Variants in ZFHX2 observed in about 807,000 individuals in gnomAD.
The protein encoded by ZFHX2 is zinc finger homeobox 2, also known as zinc finger homeobox protein 2.
A neutral mutation model predicts 164.8 loss-of-function variants in ZFHX2; 75 were observed. That is an observed-to-expected ratio of 0.46 (90% CI 0.38 to 0.55). ZFHX2 has a LOEUF of 0.55. Among genes scored for constraint, ZFHX2 ranks in the 20% least tolerant of loss-of-function variants. ZFHX2 has a pLI of 0.00. For missense variants in ZFHX2, 2,933 were observed against 3,308.0 expected (o/e 0.89, Z 2.78); for synonymous variants, 1,217 against 1,351.4 (o/e 0.90, Z 2.18).
chr14:23,529,912 C>G (rs960797502), intron 5 of ZFHX2, 144 bp from the exon 6 acceptor site: 1 of 992,134 alleles, frequency 1.0e-6, no homozygotes, highest in African/African-American at 1.6e-5. Flanking sequence ...GGGCTGACTC[C>G]GGGTCAGTAG....
At position 23,535,408 on chromosome 14, in the gene ZFHX2, G is replaced by A. The variant is rs914585710; in HGVS notation, c.-49-34C>T. Reference sequence around the variant, plus strand: ...AGACAAGGAGAGAGCAGTGCTGTGAGGCTGCAGGGACCCCAGCTGGGCAGC... The same window carrying A: ...AGACAAGGAGAGAGCAGTGCTGTGAAGCTGCAGGGACCCCAGCTGGGCAGC... On this transcript the variant is annotated intron_variant, in intron 1 of 9. Coordinates refer to ENST00000419474, the MANE Select transcript of ZFHX2 (RefSeq NM_033400.3). The surrounding 1 kb of genome is among the most constrained non-coding windows in gnomAD (Gnocchi z 4.5). 5.4e-5 allele frequency: 76 copies of A among 1,401,592 alleles called. No individual in the cohort carries two copies. The highest frequency in any genetic ancestry group is 4.3e-4 in the Middle Eastern group (2 of 4,684). 86.8% of individuals were successfully genotyped at this position (1,401,592 alleles called of 1,614,324 possible). A position where few individuals can be genotyped will look rare whatever the true frequency, so the allele number is the denominator to read the frequency against.
chr14:23,524,361 G>A lies in ZFHX2; in HGVS notation c.5581C>T (p.Arg1861Cys), dbSNP rs773677603. 9 of 1,536,246 alleles carry A rather than the reference G, an allele frequency of 5.9e-6. No homozygotes were observed. The highest frequency in any genetic ancestry group is 3.6e-5 in the South Asian group (3 of 84,068). ...AGCTGCTCAGGCAAGATGGTGGTGC[G>A]CAGGCGCTTGTCCCTGGGGGGCTCG... ...EGEPPRDKRL[R>C]TTILPEQLEI... Residue 1861 changes from arginine (R) to cysteine (C), a missense_variant, in exon 9 of 10, where the codon CGC (arginine) becomes TGC (cysteine). Transcript: ENST00000419474. The surrounding 1 kb of genome is among the most constrained non-coding windows in gnomAD (Gnocchi z 5.6).
Position 23,530,653 on chromosome 14 carries a change from T to C in ZFHX2, c.2801-459A>G, listed in dbSNP as rs146207715. ...GCTCAAGTAAGAATTGACAGATGTG[T>C]AGGAATTTATTTTCGGTGGCAGCCT... On this transcript the variant is annotated intron_variant, in intron 4 of 9. Coordinates refer to ENST00000419474, the MANE Select transcript of ZFHX2 (RefSeq NM_033400.3). The C allele has an allele frequency of 1.1e-3, 389 of 345,342 alleles. 3 individuals are homozygous for C. The highest frequency in any genetic ancestry group is 8.0e-3 in the African/African-American group (371 of 46,158). 21.4% of individuals were successfully genotyped at this position (345,342 alleles called of 1,614,324 possible). A position where few individuals can be genotyped will look rare whatever the true frequency, so the allele number is the denominator to read the frequency against.
upstream of ZFHX2, among the ~76,000 whole-genome samples, chr14:23,555,565 CAG>C (rs1882294277): frequency 6.6e-6 from 1 of 152,164 alleles, no homozygotes; most frequent in East Asian, 1.9e-4. Flanking sequence ...TATTCTCTGA[CAG>C]AAAGTTTCTC....
Position 23,520,927 on chromosome 14 carries a change from T to G in ZFHX2, c.*1035A>C, listed in dbSNP as rs1472603430. 1.3e-5 allele frequency: 2 copies of G among 151,904 alleles called. No individual in the cohort carries two copies. The highest frequency in any genetic ancestry group is 6.5e-5 in the Admixed American group (1 of 15,268). 9.4% of individuals were successfully genotyped at this position (151,904 alleles called of 1,614,324 possible). Reference sequence around the variant, plus strand: ...TTTACGTTTTTCTTTAGTTCATTCCTCTGGTGTCCGTTTCTCTCTTTTGTG... The same window carrying G: ...TTTACGTTTTTCTTTAGTTCATTCCGCTGGTGTCCGTTTCTCTCTTTTGTG... On this transcript the variant is annotated 3_prime_UTR_variant, in exon 10 of 10. Transcript: ENST00000419474. The surrounding 1 kb of genome is among the most constrained non-coding windows in gnomAD (Gnocchi z 8.7).
At chr14:23,549,829 C>T (rs528502363) in intron 1 of ZFHX2, among the ~76,000 whole-genome samples, 3 of 152,302 alleles carry the variant, frequency 2.0e-5, no homozygotes, top group African/African-American at 7.2e-5. Flanking sequence ...CCCCACACCT[C>T]TCCCAGCCCT....
rs1161463245 is a variant in ZFHX2 at position 23,524,770 on chromosome 14, G to T, written c.5172C>A (p.Gly1724=). 3 of 1,536,442 alleles carry T rather than the reference G, an allele frequency of 2.0e-6. No individual in the cohort carries two copies. Among genetic ancestry groups the T allele is most frequent in the Non-Finnish European group, 2.6e-6 (3 of 1,146,962 alleles). Residue 1724 remains glycine, a synonymous_variant, in exon 9 of 10, where the codon GGC becomes GGA. Coordinates refer to ENST00000419474, the MANE Select transcript of ZFHX2 (RefSeq NM_033400.3). This position sits in a 1 kb window ranked among gnomAD's most constrained non-coding sequence, Gnocchi z 5.6. ...VEEEEVEEEQ[G]LEPPAGPEGP... is the part of the protein sequence containing the mutation. ...CCTCAGGCCCTGCTGGAGGTTCAAGGCCCTGTTCCTCCTCTACTTCTTCTT... is the reference window on the plus strand; with the variant it reads ...CCTCAGGCCCTGCTGGAGGTTCAAGTCCCTGTTCCTCCTCTACTTCTTCTT...
In ZFHX2 at chr14:23,534,213, C is replaced by A; in HGVS notation, c.1113G>T (p.Gly371=). The change falls in exon 2 of 10, where the codon GGG becomes GGT. Residue 371 remains glycine (G), a synonymous_variant. Transcript: ENST00000419474. The surrounding 1 kb of genome is among the most constrained non-coding windows in gnomAD (Gnocchi z 4.5). ...CTTGCCCCTCAGGGAACCAATCTGGCCCTGCCTCGCCTGCTGCTACTGGCG... is the reference window on the plus strand; with the variant it reads ...CTTGCCCCTCAGGGAACCAATCTGGACCTGCCTCGCCTGCTGCTACTGGCG... The part of the protein sequence containing the change: ...KESPVAAGEA[G]PDWFPEGQEE... 1 of 1,500,200 alleles carries A rather than the reference C, an allele frequency of 6.7e-7. No homozygotes were observed. The highest frequency in any genetic ancestry group is 1.3e-5 in the South Asian group (1 of 77,142). The allele number at this position is 1,500,200 out of a possible 1,614,324, so 92.9% of individuals were successfully genotyped here.
rs1595126783 is a variant in ZFHX2 at position 23,521,408 on chromosome 14, T to C, written c.*554A>G. 1 of 153,076 alleles carries C rather than the reference T, an allele frequency of 6.5e-6. No homozygotes were observed. The highest frequency in any genetic ancestry group is 1.9e-4 in the East Asian group (1 of 5,196). The allele number at this position is 153,076 out of a possible 1,614,324, so 9.5% of individuals were successfully genotyped here. A position where few individuals can be genotyped will look rare whatever the true frequency, so the allele number is the denominator to read the frequency against. On this transcript the variant is annotated 3_prime_UTR_variant, in exon 10 of 10. Transcript: ENST00000419474. ...AAAGAGTTTGTGAGCGGTGTGGTGC[T>C]CTAGACAAAGGGTTAGGAAGGAGAA...
At chr14:23,545,040 TCTC>T (rs1881244371) in intron 1 of ZFHX2, among the ~76,000 whole-genome samples, 1 of 152,014 alleles carries the variant, frequency 6.6e-6, no homozygotes, top group African/African-American at 2.4e-5. Flanking sequence ...CTCCCTTTTT[TCTC>T]CTCTAGTCAA....
rs1331730534 is a variant in ZFHX2 at position 23,524,516 on chromosome 14, A to G, written c.5426T>C (p.Leu1809Ser). 6.5e-7 allele frequency: 1 copy of G among 1,526,958 alleles called. No homozygotes were observed. Among genetic ancestry groups the G allele is most frequent in the Non-Finnish European group, 8.8e-7 (1 of 1,141,838 alleles). 94.6% of individuals were successfully genotyped at this position (1,526,958 alleles called of 1,614,324 possible). ...GGGGTTTCTCTCCCCAAACACCAGC[A>G]AGGGCAGATCTAGGAGTTGGGGGGG... ...SAPPQLLDLPLLVFGERNPLV... is the reference protein window; with the variant it reads ...SAPPQLLDLPSLVFGERNPLV... The change falls in exon 9 of 10, where the codon TTG becomes TCG. Residue 1809 changes from leucine to serine, a missense_variant. Physicochemically the swap from Leu to Ser is moderately radical, Grantham distance 145. Transcript: ENST00000419474. This position sits in a 1 kb window ranked among gnomAD's most constrained non-coding sequence, Gnocchi z 5.6.
chr14:23,530,449 T>A (rs1355208196), intron 4 of ZFHX2: 1 of 662,210 alleles, frequency 1.5e-6, no homozygotes. Flanking sequence ...TTTATAGAAG[T>A]CCAGCAGTAG....
At chr14:23,539,811 C>G (rs539652663) in intron 1 of ZFHX2, among the ~76,000 whole-genome samples, 38 of 152,314 alleles carry the variant, frequency 2.5e-4, no homozygotes, top group Middle Eastern at 3.4e-3. Flanking sequence ...GGGAATATCA[C>G]CAAGGAGTTG....
At position 23,529,698 on chromosome 14, in the gene ZFHX2, C is replaced by T. The variant is rs1167114968; in HGVS notation, c.2934+12G>A. 1 of 1,535,802 alleles carries T rather than the reference C, an allele frequency of 6.5e-7. No homozygotes were observed. The highest frequency in any genetic ancestry group is 1.4e-5 in the African/African-American group (1 of 73,016). On this transcript the variant is annotated intron_variant, in intron 6 of 9. Coordinates refer to ENST00000419474, the MANE Select transcript of ZFHX2 (RefSeq NM_033400.3). ...CCCCACTTCAGCTCTTCCCAGTTACCCCAATTCTGACCGTGGTCTGGTTGG... is the reference window on the plus strand; with the variant it reads ...CCCCACTTCAGCTCTTCCCAGTTACTCCAATTCTGACCGTGGTCTGGTTGG...
chr14:23,555,360 G>T (rs187656139), upstream of ZFHX2, among the ~76,000 whole-genome samples: 2 of 152,204 alleles, frequency 1.3e-5, no homozygotes, highest in African/African-American at 4.8e-5. Flanking sequence ...AGGGACCGCT[G>T]GAAACTCTGA....
Position 23,534,162 on chromosome 14 carries a change from T to G in ZFHX2, c.1164A>C (p.Pro388=), listed in dbSNP as rs1261054417. 6.1e-6 allele frequency: 9 copies of G among 1,471,772 alleles called. No homozygotes were observed. Among genetic ancestry groups the G allele is most frequent in the Admixed American group, 4.7e-5 (2 of 42,794 alleles). The allele number at this position is 1,471,772 out of a possible 1,614,324, so 91.2% of individuals were successfully genotyped here. The change falls in exon 2 of 10, where the codon CCA becomes CCC. Residue 388 remains proline, a synonymous_variant. Coordinates refer to ENST00000419474, the MANE Select transcript of ZFHX2 (RefSeq NM_033400.3). This position sits in a 1 kb window ranked among gnomAD's most constrained non-coding sequence, Gnocchi z 4.5. ...TGGAGGTGGGTGAGCTTTGGTTGAG[T>G]GGGGGGCAGAGCCCTCCATCCTCTT... The part of the protein sequence containing the change: ...GQEEDGGLCP[P]LNQSSPTSKE...
chr14:23,524,218 G>C lies in ZFHX2; in HGVS notation c.5724C>G (p.Thr1908=). 2 of 1,536,472 alleles carry C rather than the reference G, an allele frequency of 1.3e-6. No individual in the cohort carries two copies. The highest frequency in any genetic ancestry group is 2.0e-5 in the Admixed American group (1 of 51,006). Residue 1908 remains threonine (T), a synonymous_variant, in exon 9 of 10, where the codon ACC becomes ACG. Coordinates refer to ENST00000419474, the MANE Select transcript of ZFHX2 (RefSeq NM_033400.3). The surrounding 1 kb of genome is among the most constrained non-coding windows in gnomAD (Gnocchi z 5.6). ...ACTGGCCTTTCCTCTCCCGGGCCCT[G>C]GTATTCTGGAACCAGACCTGTACCA... ...KRVVQVWFQN[T]RARERKGQFR... is the part of the protein sequence containing the mutation.
intron 1 of ZFHX2, among the ~76,000 whole-genome samples, chr14:23,538,690 A>G (rs1487596303): frequency 6.6e-6 from 1 of 152,140 alleles, no homozygotes; most frequent in Non-Finnish European, 1.5e-5. Context: ...GACCCCTGAA[A>G]GGCCCTGACA....
Position 23,522,059 on chromosome 14 carries a change from G to A in ZFHX2, c.7622C>T (p.Ala2541Val), listed in dbSNP as rs2138640379. 6.5e-7 allele frequency: 1 copy of A among 1,536,490 alleles called. No homozygotes were observed. The highest frequency in any genetic ancestry group is 2.4e-5 in the East Asian group (1 of 40,916). The change falls in exon 10 of 10, where the codon GCC becomes GTC. Residue 2541 changes from alanine (A) to valine (V), a missense_variant. By Grantham distance (64) the Ala-to-Val change is moderately conservative. Transcript: ENST00000419474. ...PISITNAATAASAAVAFAKEE... is the reference protein window; with the variant it reads ...PISITNAATAVSAAVAFAKEE... ...TTTGGCAAAAGCCACAGCAGCCGAGGCAGCAGTGGCGGCGTTGGTGATGGA... is the reference window on the plus strand; with the variant it reads ...TTTGGCAAAAGCCACAGCAGCCGAGACAGCAGTGGCGGCGTTGGTGATGGA...
Sources: allele counts gnomAD v4.1 joint callset (sites outside exome capture counted in the v4.1 genomes callset), GRCh38; gene constraint gnomAD v4.1.1; non-coding constraint Gnocchi (gnomAD v3.1); transcripts MANE v1.5; gene names NCBI Gene and HGNC (gene_info 2026-07-23, HGNC 2026-07-21).